The following ARHGAP20 variants were observed in gnomAD, a reference collection of about 807,000 sequenced individuals.
The protein encoded by ARHGAP20 is Rho GTPase activating protein 20.
A neutral mutation model predicts 73.7 loss-of-function variants in ARHGAP20; 34 were observed. The ratio of observed to expected loss-of-function variants is 0.46; its 90% CI spans 0.35 to 0.61. ARHGAP20 has a LOEUF of 0.61. Ranked by LOEUF, ARHGAP20 falls within the 20% of genes least tolerant of loss-of-function variation. The probability of loss-of-function intolerance (pLI) is 0.00; values close to 1 mark genes in which losing one functional copy is unlikely to be tolerated. For missense variants in ARHGAP20, 1,314 were observed against 1,420.9 expected, an observed-to-expected ratio of 0.92 and a Z score of 1.21; for synonymous variants, 523 against 518.2, an observed-to-expected ratio of 1.01 and a Z score of -0.13.
chr11:110,635,080 C>A (rs1255670342), intron 2 of ARHGAP20, among the ~76,000 whole-genome samples: 1 of 152,014 alleles, frequency 6.6e-6, no homozygotes, highest in African/African-American at 2.4e-5. Context: ...TATAAAAAAT[C>A]AGAATTATGG....
At chr11:110,664,121 A>C (rs1182392549) in intron 2 of ARHGAP20, among the ~76,000 whole-genome samples, 1 of 152,216 alleles carries the variant, frequency 6.6e-6, no homozygotes, top group Non-Finnish European at 1.5e-5. Context: ...TATTAGGAAT[A>C]AAACAAAGAG....
intron 2 of ARHGAP20, among the ~76,000 whole-genome samples, chr11:110,666,903 T>C (rs1949735167): frequency 6.6e-6 from 1 of 152,178 alleles, no homozygotes; most frequent in African/African-American, 2.4e-5. Context: ...AGCCACAACA[T>C]TCCCTTAAGC....
At chr11:110,594,993 G>T (rs1044826877) in intron 9 of ARHGAP20, among the ~76,000 whole-genome samples, 10 of 150,872 alleles carry the variant, frequency 6.6e-5, no homozygotes, top group Non-Finnish European at 1.2e-4. Context: ...TTCAACATAC[G>T]CAAATCAATA....
intron 9 of ARHGAP20, among the ~76,000 whole-genome samples, chr11:110,597,800 G>A (rs1259295793): frequency 6.6e-6 from 1 of 152,026 alleles, no homozygotes; most frequent in African/African-American, 2.4e-5. Flanking sequence ...TATACACACG[G>A]CATTCAACCT....
intron 4 of ARHGAP20, 60 bp downstream of exon 4, chr11:110,624,102 A>T (rs931012848): frequency 2.6e-6 from 4 of 1,552,116 alleles, no homozygotes; most frequent in Non-Finnish European, 3.5e-6. Flanking sequence ...TAAAATTTCA[A>T]TCCTAGAAAT....
At chr11:110,606,791 G>T in intron 8 of ARHGAP20, 42 bp from the exon 9 acceptor site, 2 of 1,461,866 alleles carry the variant, frequency 1.4e-6, no homozygotes, top group Non-Finnish European at 9.1e-7. Flanking sequence ...AGGCTGACTG[G>T]TACTGTTAGC....
chr11:110,648,192 A>C (rs12281973), intron 2 of ARHGAP20, among the ~76,000 whole-genome samples: 28,364 of 120,082 alleles, frequency 0.24, 3,085 homozygotes, highest in South Asian at 0.36. Flanking sequence ...TATATATGTA[A>C]ATATATATAT....
intron 10 of ARHGAP20, 51 bp downstream of exon 10, chr11:110,591,926 C>G (rs774626034): frequency 3.0e-5 from 47 of 1,579,332 alleles, no homozygotes; most frequent in Non-Finnish European, 3.4e-5. Context: ...GCAGAGCTCT[C>G]CTTTCCCAAA....
chr11:110,615,680 A>T, intron 4 of ARHGAP20, 86 bp from the exon 5 acceptor site: 1 of 1,241,336 alleles, frequency 8.1e-7, no homozygotes, highest in Admixed American at 1.9e-5. Flanking sequence ...CCAGATGAAA[A>T]TATCAACAAC....
At chr11:110,603,069 G>A (rs1457584921) in intron 9 of ARHGAP20, among the ~76,000 whole-genome samples, 1 of 152,218 alleles carries the variant, frequency 6.6e-6, no homozygotes, top group Non-Finnish European at 1.5e-5. Flanking sequence ...GTTTTGATCA[G>A]TGGTACTACC....
chr11:110,589,738 G>C (rs1947773817), intron 11 of ARHGAP20: 1 of 972,404 alleles, frequency 1.0e-6, no homozygotes. Flanking sequence ...GTAACAATGG[G>C]TAAAGTGTAA....
chr11:110,603,506 C>T (rs573164999), intron 9 of ARHGAP20, among the ~76,000 whole-genome samples: 1 of 152,296 alleles, frequency 6.6e-6, no homozygotes, highest in South Asian at 2.1e-4. Flanking sequence ...GCTTTATATA[C>T]TTCTTGTGCC....
chr11:110,618,682 G>A (rs1020651589), intron 4 of ARHGAP20, among the ~76,000 whole-genome samples: 8 of 151,846 alleles, frequency 5.3e-5, no homozygotes, highest in Admixed American at 5.2e-4. Flanking sequence ...TAGAGTATAT[G>A]CAGTGATAGA....
intron 2 of ARHGAP20, among the ~76,000 whole-genome samples, chr11:110,680,964 C>T (rs1404454317): frequency 6.6e-6 from 1 of 152,104 alleles, no homozygotes; most frequent in Non-Finnish European, 1.5e-5. Context: ...CTGAATTTTA[C>T]AACTTTGAAA....
At chr11:110,616,581 T>C (rs1180687172) in intron 4 of ARHGAP20, among the ~76,000 whole-genome samples, 1 of 152,304 alleles carries the variant, frequency 6.6e-6, no homozygotes, top group East Asian at 1.9e-4. Flanking sequence ...CCTAGTTATT[T>C]TATTATTTCC....
rs1949972603 is a variant in ARHGAP20, at chr11:110,678,297, TCACATCCCTGTGGATATAGTAAAAAC to T, written c.188+12224_188+12249del. Among the ~76,000 whole-genome samples, 10 of 152,212 alleles carry T rather than the reference TCACATCCCTGTGGATATAGTAAAAAC, an allele frequency of 6.6e-5. No homozygotes were observed. The South Asian group carries it at 2.1e-3, about 32-fold the overall frequency. ...GAAAATGAAGATTTTGGTGATGGCT[TCACATCCCTGTGGATATAGTAAAAAC>T]CACTGAAGTGTACACTTTTAACTGG... On this transcript the variant is annotated intron_variant, in intron 2 of 14. Coordinates refer to ENST00000683387, the MANE Select transcript of ARHGAP20 (RefSeq NM_001384657.1).
chr11:110,587,098 A>G (rs528491655), intron 11 of ARHGAP20, among the ~76,000 whole-genome samples: 12 of 152,320 alleles, frequency 7.9e-5, no homozygotes, highest in African/African-American at 2.9e-4. Context: ...CAAACAGGAT[A>G]TGACCAAGTA....
chr11:110,648,210 A>AATATATATATGTATAT (rs1412000614), intron 2 of ARHGAP20, among the ~76,000 whole-genome samples: 2 of 113,330 alleles, frequency 1.8e-5, no homozygotes, highest in Non-Finnish European at 3.5e-5. Flanking sequence ...TATATATGTA[A>AATATATATATGTATAT]ATATATATAT....
At chr11:110,584,931 ATATATGTG>A (rs1376604862) in intron 12 of ARHGAP20, among the ~76,000 whole-genome samples, 4 of 141,242 alleles carry the variant, frequency 2.8e-5, no homozygotes, top group Non-Finnish European at 6.2e-5. Flanking sequence ...ATATATGTGA[ATATATGTG>A]TATATGAATA....
Sources: allele counts gnomAD v4.1 joint callset (sites outside exome capture counted in the v4.1 genomes callset), GRCh38; gene constraint gnomAD v4.1.1; transcripts MANE v1.5; gene names NCBI Gene and HGNC (gene_info 2026-07-23, HGNC 2026-07-21).